The following SDE2 variants were observed in gnomAD, a reference collection of about 807,000 sequenced individuals.
The protein encoded by SDE2 is spliceosome associated SDE2.
Under a neutral mutation model 46.9 loss-of-function variants are expected in SDE2, and 31 were observed. The ratio of observed to expected loss-of-function variants is 0.66; its 90% CI spans 0.50 to 0.89. SDE2 has a LOEUF of 0.89. Among genes scored for constraint, SDE2 ranks in the 40% least tolerant of loss-of-function variants. SDE2 has a pLI of 0.00. For missense variants in SDE2, 542 were observed against 564.4 expected (o/e 0.96, Z 0.40); for synonymous variants, 205 against 204.3 (o/e 1.00, Z -0.03).
At position 225,988,078 on chromosome 1, in the gene SDE2, C is replaced by T. The variant is rs1382379987; in HGVS notation, c.952G>A (p.Glu318Lys). 6.2e-7 allele frequency: 1 copy of T among 1,614,168 alleles called. No individual in the cohort carries two copies. Among genetic ancestry groups the T allele is most frequent in the Admixed American group, 1.7e-5 (1 of 60,016 alleles). The change falls in exon 6 of 7, where the codon GAG (glutamate) becomes AAG (lysine). Residue 318 changes from glutamate to lysine, a missense_variant. Coordinates refer to ENST00000272091, the MANE Select transcript of SDE2 (RefSeq NM_152608.4). ...MESRMVTETEETQEKKAESKE... is the reference protein window; with the variant it reads ...MESRMVTETEKTQEKKAESKE... ...CTCTCTGCCTTCTTCTCCTGGGTCTCTTCTGTTTCTGTAACCATCCTGCTT... is the reference window on the plus strand; with the variant it reads ...CTCTCTGCCTTCTTCTCCTGGGTCTTTTCTGTTTCTGTAACCATCCTGCTT...
chr1:225,992,331 G>A, intron 4 of SDE2, 67 bp downstream of exon 4: 1 of 1,166,860 alleles, frequency 8.6e-7, no homozygotes, highest in Non-Finnish European at 1.3e-6. Context: ...TGTGCGTAGT[G>A]TAGAGCAGTC....
chr1:225,993,106 ACTTT>A (rs201197753), intron 2 of SDE2, 104 bp from the exon 3 acceptor site: 28,363 of 383,082 alleles, frequency 0.074, 42 homozygotes, highest in East Asian at 0.13. Context: ...AATGATCTCT[ACTTT>A]CTTTCTTTTT....
At chr1:225,991,190 A>G in intron 5 of SDE2, 53 bp downstream of exon 5, 2 of 1,568,856 alleles carry the variant, frequency 1.3e-6, no homozygotes, top group South Asian at 2.3e-5. Flanking sequence ...CAAGGAGGAA[A>G]TGTCTCAAGT....
At chr1:225,993,746 AC>A (rs1417452609) in intron 2 of SDE2, among the ~76,000 whole-genome samples, 5 of 152,274 alleles carry the variant, frequency 3.3e-5, no homozygotes, top group African/African-American at 1.2e-4. Context: ...GGCTGATATA[AC>A]ATGCTTCATT....
In SDE2 at chr1:225,985,231, T is replaced by G; in HGVS notation, c.*71A>C. The G allele has an allele frequency of 8.4e-7, 1 of 1,194,792 alleles. No individual in the cohort carries two copies. The highest frequency in any genetic ancestry group is 1.2e-6 in the Non-Finnish European group (1 of 802,408). The allele number at this position is 1,194,792 out of a possible 1,614,324, so 74.0% of individuals were successfully genotyped here. On this transcript the variant is annotated 3_prime_UTR_variant, in exon 7 of 7. Coordinates refer to ENST00000272091, the MANE Select transcript of SDE2 (RefSeq NM_152608.4). ...CTTTTAATATCAACAGGAATACTGG[T>G]CAAGAGTCCACATTATGCAGGTTGT...
At chr1:225,986,180 T>C (rs1255844870) in intron 6 of SDE2, among the ~76,000 whole-genome samples, 1 of 151,916 alleles carries the variant, frequency 6.6e-6, no homozygotes, top group African/African-American at 2.4e-5. Context: ...AATACAAAAA[T>C]TAGCCGGGTG....
At chr1:225,991,788 T>TA (rs1656406463) in intron 4 of SDE2, among the ~76,000 whole-genome samples, 2 of 152,208 alleles carry the variant, frequency 1.3e-5, no homozygotes, top group Non-Finnish European at 2.9e-5. Context: ...TCATTCACAT[T>TA]AAAAACTGAC....
At chr1:225,992,809 T>C (rs2102704612) in intron 3 of SDE2, 82 bp downstream of exon 3, 2 of 766,346 alleles carry the variant, frequency 2.6e-6, no homozygotes, top group South Asian at 3.2e-5. Flanking sequence ...CCATTTCCAA[T>C]ATGCGTGGCA....
chr1:225,999,227 A>T lies in SDE2; in HGVS notation c.86T>A (p.Val29Asp), dbSNP rs1444941686. ...GCAGTGCCGGTGGATAAAATCCCGGACGGTGCACCGACCCGAGGCACACCG... is the reference window on the plus strand; with the variant it reads ...GCAGTGCCGGTGGATAAAATCCCGGTCGGTGCACCGACCCGAGGCACACCG... ...AVRCASGRCTVRDFIHRHCQD... is the reference protein window; with the variant it reads ...AVRCASGRCTDRDFIHRHCQD... Residue 29 changes from valine to aspartate, a missense_variant, in exon 1 of 7, where the codon GTC becomes GAC. Around this residue, in one of 3 missense-constraint regions of SDE2, gnomAD observed 135 missense variants for 106.5 expected, o/e 1.27. Coordinates refer to ENST00000272091, the MANE Select transcript of SDE2 (RefSeq NM_152608.4). 6.2e-7 allele frequency: 1 copy of T among 1,612,960 alleles called. No homozygotes were observed. The highest frequency in any genetic ancestry group is 1.1e-5 in the South Asian group (1 of 90,942).
rs67548369 is a variant in SDE2 at position 225,993,115 on chromosome 1, C to T, written c.239-113G>A. The T allele has an allele frequency of 3.1e-3, 768 of 251,198 alleles. 27 individuals carry two copies. Among genetic ancestry groups the T allele is most frequent in the Middle Eastern group, 0.014 (20 of 1,476 alleles). 15.6% of individuals were successfully genotyped at this position (251,198 alleles called of 1,614,324 possible). ...ATTAACAATGATCTCTACTTTCTTT[C>T]TTTTTTTTTTTTTTTAAGAAAAGAT... is the stretch of plus-strand genomic sequence containing the variant. On this transcript the variant is annotated intron_variant, in intron 2 of 6. Coordinates refer to ENST00000272091, the MANE Select transcript of SDE2 (RefSeq NM_152608.4).
rs369143013 is a variant in SDE2, at chr1:225,988,185, A to G, written c.845T>C (p.Leu282Pro). 52 of 1,614,020 alleles carry G rather than the reference A, an allele frequency of 3.2e-5. No individual in the cohort carries two copies. Among genetic ancestry groups the G allele is most frequent in the Non-Finnish European group, 4.2e-5 (50 of 1,180,026 alleles). The change falls in exon 6 of 7, where the codon CTG becomes CCG. Residue 282 changes from leucine to proline, a missense_variant. This residue lies in a region of SDE2 where 401 missense variants were observed against 437.8 expected (regional missense o/e 0.92). Transcript: ENST00000272091. ...VNTDHGSPEQ[L>P]QIPVTDSGRH... ...CCCAGAGTCAGTCACCGGGATCTGC[A>G]GTTGTTCTGGTGATCCATGGTCTGT...
At position 225,991,273 on chromosome 1, in the gene SDE2, C is replaced by A; in HGVS notation, c.611G>T (p.Gly204Val). ...GCATCTCCTCTTTCCCGCACTGGCT[C>A]CTCTGTCTGTTTGAGATTTAGTAGG... Reference protein sequence around the residue: ...QWPTKSQTDRGASAGKRRCFW... With the variant: ...QWPTKSQTDRVASAGKRRCFW... The change falls in exon 5 of 7, where the codon GGA becomes GTA. Residue 204 changes from glycine to valine, a missense_variant. Physicochemically the swap from Gly to Val is moderately radical, Grantham distance 109. This residue lies in a region of SDE2 where 401 missense variants were observed against 437.8 expected (regional missense o/e 0.92). Transcript: ENST00000272091. 6.2e-7 allele frequency: 1 copy of A among 1,613,876 alleles called. No individual in the cohort carries two copies. Among genetic ancestry groups the A allele is most frequent in the South Asian group, 1.1e-5 (1 of 91,070 alleles).
At chr1:225,994,300 C>T (rs1247920574) in intron 2 of SDE2, among the ~76,000 whole-genome samples, 4 of 152,064 alleles carry the variant, frequency 2.6e-5, no homozygotes, top group Non-Finnish European at 5.9e-5. Flanking sequence ...TGGTCTCGAA[C>T]TCCTGACCTA....
intron 2 of SDE2, among the ~76,000 whole-genome samples, chr1:225,994,297 G>C (rs573463620): frequency 6.6e-6 from 1 of 151,882 alleles, no homozygotes. Flanking sequence ...GCCTGGTCTC[G>C]AACTCCTGAC....
In SDE2 at chr1:225,984,787, G is replaced by T. The variant is rs1399749898; in HGVS notation, c.*515C>A. 3 of 152,698 alleles carry T rather than the reference G, an allele frequency of 2.0e-5. No individual in the cohort carries two copies. The highest frequency in any genetic ancestry group is 6.5e-5 in the Admixed American group (1 of 15,304). 9.5% of individuals were successfully genotyped at this position (152,698 alleles called of 1,614,324 possible). A position where few individuals can be genotyped will look rare whatever the true frequency, so the allele number is the denominator to read the frequency against. ...ATCGCGCCACTGCACTCCAGCCTGG[G>T]AGACAGTGTAAGACTGTCTCAAAAA... is the stretch of plus-strand genomic sequence containing the variant. On this transcript the variant is annotated 3_prime_UTR_variant, in exon 7 of 7. Transcript: ENST00000272091.
intron 1 of SDE2, 50 bp from the exon 2 acceptor site, chr1:225,995,433 G>A: frequency 3.2e-6 from 3 of 949,938 alleles, no homozygotes; most frequent in East Asian, 4.8e-5. Flanking sequence ...AATAATCTAA[G>A]TTTGTTACAA....
intron 1 of SDE2, 110 bp from the exon 2 acceptor site, chr1:225,995,493 C>A: frequency 3.7e-6 from 2 of 542,416 alleles, no homozygotes; most frequent in Non-Finnish European, 6.6e-6. Flanking sequence ...AGAGGGTGTT[C>A]AATTAATATT....
intron 5 of SDE2, among the ~76,000 whole-genome samples, chr1:225,990,846 A>T (rs1656382471): frequency 6.6e-6 from 1 of 152,206 alleles, no homozygotes; most frequent in African/African-American, 2.4e-5. Context: ...CTCAAGTGCG[A>T]AAGTGGTGAA....
rs1656330622 is a variant in SDE2 at position 225,988,953 on chromosome 1, A to C, written c.642-565T>G. Among the ~76,000 whole-genome samples, 5 of 152,314 alleles carry C rather than the reference A, an allele frequency of 3.3e-5. No homozygotes were observed. The South Asian group carries it at 1.0e-3, about 32-fold the overall frequency. On this transcript the variant is annotated intron_variant, in intron 5 of 6. Transcript: ENST00000272091. Reference sequence around the variant, plus strand: ...TAAAAGCAAAATTGATTTTGCTTAAAGCTTTCTTCCCCCGCATTACATTAC... The same window carrying C: ...TAAAAGCAAAATTGATTTTGCTTAACGCTTTCTTCCCCCGCATTACATTAC...
Sources: gnomAD v4.1 joint callset for allele counts (sites outside exome capture counted in the v4.1 genomes callset) on GRCh38, gnomAD v4.1.1 for gene constraint, gnomAD v4.1.1 regional missense constraint, MANE v1.5 for transcripts, NCBI Gene and HGNC (gene_info 2026-07-23, HGNC 2026-07-21) for gene names.